Variants in RANBP10 observed in about 807,000 individuals in gnomAD.
RANBP10 encodes ran-binding protein 10.
A neutral mutation model predicts 72.8 loss-of-function variants in RANBP10; 24 were observed. The ratio of observed to expected loss-of-function variants is 0.33; its 90% confidence interval spans 0.24 to 0.46. The LOEUF is 0.46. Among genes scored for constraint, RANBP10 ranks in the 20% least tolerant of loss-of-function variants. RANBP10 has a pLI of 1.00. For missense variants in RANBP10, 679 were observed against 817.5 expected (o/e 0.83, Z 2.07); for synonymous variants, 310 against 322.3 (o/e 0.96, Z 0.41).
At chr16:67,757,622 C>T (rs2054311583) in intron 3 of RANBP10, among the ~76,000 whole-genome samples, 1 of 152,190 alleles carries the variant, frequency 6.6e-6, no homozygotes, top group Non-Finnish European at 1.5e-5. Context: ...GTCCCCATAA[C>T]CTCAACTATC....
In RANBP10 at chr16:67,798,675, T is replaced by C. The variant is rs776725043; in HGVS notation, c.347+6753A>G. On this transcript the variant is annotated intron_variant, in intron 2 of 13. Transcript: ENST00000317506. ...CAGTCTTTCACACCCCATCCCTTCA[T>C]CTCTTCATACCAAAGGAACAGCCAA... is the stretch of plus-strand genomic sequence containing the variant. Among the ~76,000 whole-genome samples the C allele has an allele frequency of 4.1e-4, 63 of 152,188 alleles. 1 individual carries two copies. Among genetic ancestry groups the C allele is most frequent in the Admixed American group, 2.7e-3 (41 of 15,284 alleles).
chr16:67,787,699 A>AT (rs1386353163), intron 2 of RANBP10, among the ~76,000 whole-genome samples: 3 of 152,188 alleles, frequency 2.0e-5, no homozygotes, highest in Non-Finnish European at 4.4e-5. Context: ...TTATTCAGCC[A>AT]TAAAAAGGAA....
At chr16:67,800,406 T>G (rs1002598512) in intron 2 of RANBP10, among the ~76,000 whole-genome samples, 4 of 152,126 alleles carry the variant, frequency 2.6e-5, no homozygotes, top group African/African-American at 4.8e-5. Flanking sequence ...GCCGCTGGGA[T>G]GATGTTACAG....
In RANBP10 at chr16:67,728,433, A is replaced by C; in HGVS notation, c.1431T>G (p.Gly477=). ...LGSMSTRIVN[G]AYKHEDLQTD... Reference sequence around the variant, plus strand: ...TCTGCAGGTCCTCATGCTTGTAGGCACCATTAACAATGCGTGTGGACATGC... The same window carrying C: ...TCTGCAGGTCCTCATGCTTGTAGGCCCCATTAACAATGCGTGTGGACATGC... The change falls in exon 11 of 14, where the codon GGT becomes GGG. Residue 477 remains glycine (G), a synonymous_variant. Coordinates refer to ENST00000317506, the MANE Select transcript of RANBP10 (RefSeq NM_020850.3). 1 of 1,614,060 alleles carries C rather than the reference A, an allele frequency of 6.2e-7. No individual in the cohort carries two copies. Among genetic ancestry groups the C allele is most frequent in the South Asian group, 1.1e-5 (1 of 91,086 alleles).
intron 2 of RANBP10, among the ~76,000 whole-genome samples, chr16:67,776,912 A>G (rs1320587200): frequency 6.6e-6 from 1 of 152,158 alleles, no homozygotes; most frequent in Non-Finnish European, 1.5e-5. Context: ...CAATAGCATC[A>G]AAAGAATAAA....
chr16:67,744,001 A>G (rs900864711), intron 4 of RANBP10: 1 of 835,110 alleles, frequency 1.2e-6, no homozygotes, highest in African/African-American at 1.9e-5. Context: ...TTCTCATCCA[A>G]CGCCAAACCT....
chr16:67,787,457 T>C (rs1353131021), intron 2 of RANBP10, among the ~76,000 whole-genome samples: 3 of 152,156 alleles, frequency 2.0e-5, no homozygotes, highest in Non-Finnish European at 4.4e-5. Flanking sequence ...GCAGCCACTA[T>C]GGAAAAGTTC....
chr16:67,764,438 C>A (rs1355569077), intron 3 of RANBP10, among the ~76,000 whole-genome samples: 1 of 152,126 alleles, frequency 6.6e-6, no homozygotes, highest in Non-Finnish European at 1.5e-5. Context: ...GGCCATTGTA[C>A]CGAGAAGCCA....
intron 3 of RANBP10, among the ~76,000 whole-genome samples, chr16:67,770,968 A>T (rs2054596767): frequency 6.6e-6 from 1 of 152,032 alleles, no homozygotes; most frequent in African/African-American, 2.4e-5. Context: ...AAAATAATAG[A>T]TGATAAAAAT....
intron 2 of RANBP10, among the ~76,000 whole-genome samples, chr16:67,800,145 C>CAA (rs901321844): frequency 7.1e-6 from 1 of 141,450 alleles, no homozygotes; most frequent in Admixed American, 7.0e-5. Context: ...CAACAACAAC[C>CAA]AAAAAAAAAA....
chr16:67,744,110 TGAACA>T, intron 4 of RANBP10, 173 bp downstream of exon 4: 1 of 985,432 alleles, frequency 1.0e-6, no homozygotes, highest in Non-Finnish European at 1.2e-6. Flanking sequence ...ACTGGCTGGA[TGAACA>T]AAGGCGTGCC....
intron 3 of RANBP10, among the ~76,000 whole-genome samples, chr16:67,758,346 C>G (rs2054329524): frequency 6.6e-6 from 1 of 152,218 alleles, no homozygotes; most frequent in South Asian, 2.1e-4. Context: ...CTAGGTGTCT[C>G]TCTTCTAGGG....
intron 4 of RANBP10, among the ~76,000 whole-genome samples, chr16:67,740,415 A>G (rs946999303): frequency 2.6e-5 from 4 of 152,042 alleles, no homozygotes; most frequent in African/African-American, 9.7e-5. Context: ...ATAAAGTCTT[A>G]TATCTCCCAG....
rs1486523645 is a variant in RANBP10 at position 67,727,359 on chromosome 16, G to C, written c.1700C>G (p.Pro567Arg). ...GQQLDPIQRE[P>R]VCAALNSAIL... ...GGCGCTGTTGAGGGCAGCACACACA[G>C]GTTCCCTCTGGATGGGGTCAAGCTG... Residue 567 changes from proline (P) to arginine (R), a missense_variant, in exon 13 of 14, where the codon CCT (proline) becomes CGT (arginine). By Grantham distance (103) the Pro-to-Arg change is moderately radical (BLOSUM62 -2). Coordinates refer to ENST00000317506, the MANE Select transcript of RANBP10 (RefSeq NM_020850.3). 1 of 1,613,592 alleles carries C rather than the reference G, an allele frequency of 6.2e-7. No homozygotes were observed.
intron 2 of RANBP10, among the ~76,000 whole-genome samples, chr16:67,791,909 G>A (rs1224291193): frequency 6.6e-6 from 1 of 152,030 alleles, no homozygotes; most frequent in Non-Finnish European, 1.5e-5. Context: ...TGCCAGGTGT[G>A]CTGGCTCACA....
intron 3 of RANBP10, among the ~76,000 whole-genome samples, chr16:67,752,281 T>C (rs2054211641): frequency 6.6e-6 from 1 of 152,190 alleles, no homozygotes; most frequent in Admixed American, 6.6e-5. Context: ...TGGGCCAATG[T>C]AATCACAGGG....
intron 5 of RANBP10, chr16:67,735,584 G>A (rs2053829430): frequency 6.6e-6 from 1 of 152,220 alleles, no homozygotes; most frequent in South Asian, 2.1e-4. Flanking sequence ...GTGAGACCCT[G>A]TCTCTACAAA....
At chr16:67,742,100 G>A (rs1181511809) in intron 4 of RANBP10, among the ~76,000 whole-genome samples, 2 of 151,110 alleles carry the variant, frequency 1.3e-5, no homozygotes, top group Admixed American at 1.3e-4. Flanking sequence ...ATATAGGGAC[G>A]GGGTCTCGCC....
chr16:67,753,537 G>C lies in RANBP10; in HGVS notation c.401-9082C>G, dbSNP rs1390676808. 3.9e-5 allele frequency among the ~76,000 whole-genome samples: 6 copies of C among 152,268 alleles called. No homozygotes were observed. In the East Asian group the frequency reaches 9.6e-4, roughly 24 times the overall value. On this transcript the variant is annotated intron_variant, in intron 3 of 13. Coordinates refer to ENST00000317506, the MANE Select transcript of RANBP10 (RefSeq NM_020850.3). Reference sequence around the variant, plus strand: ...CCAGATGATGGGCTAGCAATGGGAGGGGGGATGAGGACTGACTGGAATGGG... The same window carrying C: ...CCAGATGATGGGCTAGCAATGGGAGCGGGGATGAGGACTGACTGGAATGGG...
Sources: gnomAD v4.1 joint callset for allele counts (sites outside exome capture counted in the v4.1 genomes callset) on GRCh38, gnomAD v4.1.1 for gene constraint, MANE v1.5 for transcripts, NCBI Gene and HGNC (gene_info 2026-07-23, HGNC 2026-07-21) for gene names.